The following FAM53A variants were observed in gnomAD, a reference collection of about 807,000 sequenced individuals.
FAM53A encodes family with sequence similarity 53 member A, also known as protein FAM53A.
In FAM53A, 28 loss-of-function variants were observed where a neutral mutation model predicts 26.6. The ratio of observed to expected loss-of-function variants is 1.05; its 90% CI spans 0.78 to 1.45. FAM53A has a LOEUF of 1.45. FAM53A is among the 40% of genes most tolerant of loss of function. The pLI is 0.00. For missense variants in FAM53A, 650 were observed against 575.8 expected, an observed-to-expected ratio of 1.13 and a Z score of -1.32; for synonymous variants, 290 against 253.1, an observed-to-expected ratio of 1.15 and a Z score of -1.38.
chr4:1,652,134 T>TACACCACAC (rs1712871293), intron 4 of FAM53A, among the ~76,000 whole-genome samples: 2 of 79,624 alleles, frequency 2.5e-5, no homozygotes, highest in African/African-American at 1.3e-4. Flanking sequence ...ACACACCTCA[T>TACACCACAC]ACACCACACA....
At chr4:1,592,743 G>C in the FAM53A span, among the ~76,000 whole-genome samples, 1 of 152,180 alleles carries the variant, frequency 6.6e-6, no homozygotes, top group African/African-American at 2.4e-5. Context: ...GGAGGGAACA[G>C]AGTTCGCCGC....
intron 1 of FAM53A, among the ~76,000 whole-genome samples, chr4:1,677,050 C>T (rs115377013): frequency 0.019 from 2,871 of 152,280 alleles, 90 homozygotes; most frequent in African/African-American, 0.066. Context: ...TTGTGCTCAG[C>T]ACTGGCGGGG....
rs182678110 is a variant in FAM53A, at chr4:1,644,196, G to A, written c.883-2589C>T. ...GGCGGGGACGCTACGCACCTTCAGGGGCCAGGTTTCCTTCCATTTCAAACC... is the reference window on the plus strand; with the variant it reads ...GGCGGGGACGCTACGCACCTTCAGGAGCCAGGTTTCCTTCCATTTCAAACC... On this transcript the variant is annotated intron_variant, in intron 4 of 4. Transcript: ENST00000308132. 1.4e-4 allele frequency: 215 copies of A among 1,535,896 alleles called. 2 individuals carry two copies. In the African/African-American group the frequency reaches 2.4e-3, roughly 17 times the overall value.
the FAM53A span, among the ~76,000 whole-genome samples, chr4:1,598,193 T>C: frequency 1.8e-4 from 28 of 152,046 alleles, no homozygotes; most frequent in African/African-American, 6.3e-4. Flanking sequence ...GGGAGGTAAG[T>C]GGGAGAAGAT....
At chr4:1,656,664 C>A (rs1713408649) in intron 3 of FAM53A, among the ~76,000 whole-genome samples, 1 of 152,152 alleles carries the variant, frequency 6.6e-6, no homozygotes, top group Admixed American at 6.5e-5. Flanking sequence ...GCACCACAGG[C>A]CCGGCAGGGG....
the FAM53A span, among the ~76,000 whole-genome samples, chr4:1,575,029 C>A: frequency 6.6e-6 from 1 of 152,362 alleles, no homozygotes; most frequent in East Asian, 1.9e-4. Flanking sequence ...CACGTGACAG[C>A]AGTCCAGTCC....
At chr4:1,611,997 T>C in the FAM53A span, among the ~76,000 whole-genome samples, 1 of 152,228 alleles carries the variant, frequency 6.6e-6, no homozygotes, top group Admixed American at 6.5e-5. Context: ...GCGGAATCGA[T>C]GGAGAAATCT....
rs545039754 is a variant in FAM53A, at chr4:1,629,361, C to T, written c.432-11250G>A. On this transcript the variant is annotated intron_variant, in intron 1 of 1. Coordinates refer to the FAM53A transcript ENST00000489029. ...GGCGAAGCCTCAGGCCAGGCCAGAC[C>T]ACCCGGCAGCTGGGCCCGCCAGGGA... 1.7e-4 allele frequency among the ~76,000 whole-genome samples: 26 copies of T among 152,338 alleles called. No individual in the cohort carries two copies. In the South Asian group the frequency reaches 5.0e-3, roughly 29 times the overall value.
At chr4:1,636,792 G>A (rs572645711), downstream of FAM53A, among the ~76,000 whole-genome samples, 2 of 152,252 alleles carry the variant, frequency 1.3e-5, no homozygotes, top group East Asian at 3.8e-4. Context: ...GGGAGGCCAC[G>A]GGGCTAGCAT....
chr4:1,657,933 C>T (rs1003649017), intron 2 of FAM53A, among the ~76,000 whole-genome samples: 9 of 152,094 alleles, frequency 5.9e-5, no homozygotes, highest in South Asian at 2.1e-4. Context: ...GCCACCACGC[C>T]CGGCTGTAAA....
the FAM53A span, among the ~76,000 whole-genome samples, chr4:1,593,883 C>A: frequency 6.6e-6 from 1 of 152,152 alleles, no homozygotes; most frequent in African/African-American, 2.4e-5. Flanking sequence ...AGGAGTGCAA[C>A]AATTAAATTT....
At chr4:1,658,954 C>T (rs1314167910) in intron 2 of FAM53A, among the ~76,000 whole-genome samples, 2 of 152,282 alleles carry the variant, frequency 1.3e-5, no homozygotes, top group Non-Finnish European at 1.5e-5. Flanking sequence ...TCCTCTGCCA[C>T]ACCTCAGAAC....
At chr4:1,616,268 C>G (rs902682383), downstream of FAM53A, among the ~76,000 whole-genome samples, 4 of 152,344 alleles carry the variant, frequency 2.6e-5, no homozygotes, top group Admixed American at 1.3e-4. Context: ...CTGATGAAGA[C>G]AGTGCCAGGA....
chr4:1,666,756 C>G (rs986701646), intron 2 of FAM53A, among the ~76,000 whole-genome samples: 2 of 152,270 alleles, frequency 1.3e-5, no homozygotes, highest in African/African-American at 4.8e-5. Context: ...AATCCCAACA[C>G]TCTGCAAGGC....
chr4:1,636,139 G>A (rs986186415), downstream of FAM53A, among the ~76,000 whole-genome samples: 9 of 152,226 alleles, frequency 5.9e-5, no homozygotes, highest in South Asian at 8.3e-4. Context: ...GAGCCGCCAC[G>A]CCCGGCCATG....
At chr4:1,599,213 A>G in the FAM53A span, among the ~76,000 whole-genome samples, 2 of 146,304 alleles carry the variant, frequency 1.4e-5, no homozygotes. This position sits in a 1 kb window ranked among gnomAD's most constrained non-coding sequence, Gnocchi z 6.1. Context: ...CAGGGGATCC[A>G]GGGTGCCGGA....
At chr4:1,586,571 C>G in the FAM53A span, among the ~76,000 whole-genome samples, 444 of 151,730 alleles carry the variant, frequency 2.9e-3, no homozygotes, top group African/African-American at 0.01. Flanking sequence ...GTCAGAAGAT[C>G]GAGACCATCC....
At chr4:1,648,651 C>T (rs1239400443) in intron 4 of FAM53A, among the ~76,000 whole-genome samples, 2 of 152,162 alleles carry the variant, frequency 1.3e-5, no homozygotes, top group African/African-American at 2.4e-5. Flanking sequence ...CAGACCAAAG[C>T]GGCTGAATTT....
chr4:1,671,018 C>T (rs866221098), intron 1 of FAM53A, among the ~76,000 whole-genome samples: 1 of 147,790 alleles, frequency 6.8e-6, no homozygotes, highest in Non-Finnish European at 1.5e-5. Context: ...GCCAACAGCT[C>T]ACAGCCACGG....
Sources: allele counts gnomAD v4.1 joint callset (sites outside exome capture counted in the v4.1 genomes callset), GRCh38; gene constraint gnomAD v4.1.1; non-coding constraint Gnocchi (gnomAD v3.1); transcripts MANE v1.5; gene names NCBI Gene and HGNC (gene_info 2026-07-23, HGNC 2026-07-21).